Variants in ZNF737 observed in about 807,000 individuals in gnomAD.
The protein encoded by ZNF737 is zinc finger protein 102 (Y3).
Under a neutral mutation model 11.7 loss-of-function variants are expected in ZNF737, and 13 were observed. That is an observed-to-expected ratio of 1.11 (90% CI 0.73 to 1.77). The LOEUF (loss-of-function observed/expected upper bound fraction) is 1.77. Ranked by LOEUF, ZNF737 falls within the 40% of genes most tolerant of loss-of-function variation. The pLI, the probability that ZNF737 is intolerant of heterozygous loss-of-function variation, is 0.00. For missense variants in ZNF737, 636 were observed against 638.0 expected (o/e 1.00, Z 0.03); for synonymous variants, 217 against 216.2 (o/e 1.00, Z -0.03).
Position 20,538,139 on chromosome 19 carries a change from T to C in ZNF737, c.*6453A>G, listed in dbSNP as rs2122475897. The stretch of plus-strand genomic sequence containing the variant: ...GACTTTTCTACCTAATTATGAATAG[T>C]AACTTCTCTTAGAAGCAAAGTTTAT... On this transcript the variant is annotated 3_prime_UTR_variant, in exon 4 of 4. Transcript: ENST00000427401. 2 of 494,246 alleles carry C rather than the reference T, an allele frequency of 4.0e-6. No individual in the cohort carries two copies. Among genetic ancestry groups the C allele is most frequent in the South Asian group, 1.8e-4 (2 of 11,370 alleles). The allele number at this position is 494,246 out of a possible 1,614,324, so 30.6% of individuals were successfully genotyped here.
rs782411045 is a variant in ZNF737, at chr19:20,545,549, T to G, written c.654A>C (p.Thr218=). 4.0e-5 allele frequency: 65 copies of G among 1,612,322 alleles called. 1 individual carries two copies. Among genetic ancestry groups the G allele is most frequent in the Non-Finnish European group, 5.2e-5 (61 of 1,179,160 alleles). The change falls in exon 4 of 4, where the codon ACA becomes ACC. Residue 218 remains threonine, a synonymous_variant. Transcript: ENST00000427401. ...KAFNWSSHLT[T]HKRIHTGEKR... is the part of the protein sequence containing the mutation. ...TCTCTCCAGTATGAATTCTCTTATG[T>G]GTAGTAAGGTGTGAGGACCAGTTGA... is the stretch of plus-strand genomic sequence containing the variant.
the ZNF737 span, among the ~76,000 whole-genome samples, chr19:20,530,306 G>A: frequency 7.9e-5 from 11 of 138,754 alleles, 1 homozygote; most frequent in Non-Finnish European, 1.6e-4. Flanking sequence ...CTGGCCGGGC[G>A]GGGGGCTGAC....
At position 20,554,615 on chromosome 19, in the gene ZNF737, GCA is replaced by G. The variant is rs1412990660; in HGVS notation, c.4-782_4-781del. On this transcript the variant is annotated intron_variant, in intron 1 of 3. Transcript: ENST00000427401. ...GAAGAAATTTTTATGTTGTGCTAAT[GCA>G]CATAGAAGAACACAGCATCACTGTT... 1.2e-4 allele frequency among the ~76,000 whole-genome samples: 18 copies of G among 152,262 alleles called. 1 individual carries two copies. The highest frequency in any genetic ancestry group is 4.3e-4 in the African/African-American group (18 of 41,542).
At chr19:20,531,110 C>T (rs1338284957), downstream of ZNF737, among the ~76,000 whole-genome samples, 7 of 146,364 alleles carry the variant, frequency 4.8e-5, 1 homozygote, top group African/African-American at 1.3e-4. Flanking sequence ...CGCCTGCAAT[C>T]GCAGGCACTC....
chr19:20,565,541 G>A lies in ZNF737; in HGVS notation c.3+97C>T. 3.8e-6 allele frequency: 6 copies of A among 1,590,882 alleles called. No individual in the cohort carries two copies. In the South Asian group the frequency reaches 6.6e-5, roughly 18 times the overall value. ...GAGAACTCAGGGTGCAGATTGTGGA[G>A]CTGACTGCGCAGAGGCCTGAGTCCC... On this transcript the variant is annotated intron_variant, in intron 1 of 3. Transcript: ENST00000427401.
chr19:20,541,819 G>A lies in ZNF737; in HGVS notation c.*2773C>T, dbSNP rs1336714311. 1 of 160,898 alleles carries A rather than the reference G, an allele frequency of 6.2e-6. No homozygotes were observed. The allele number at this position is 160,898 out of a possible 1,614,324, so 10.0% of individuals were successfully genotyped here. A position where few individuals can be genotyped will look rare whatever the true frequency, so the allele number is the denominator to read the frequency against. ...ATTGTACATTTTAAAATGAATAAAAGCATATAATTACACTATTGGTAATAC... is the reference window on the plus strand; with the variant it reads ...ATTGTACATTTTAAAATGAATAAAAACATATAATTACACTATTGGTAATAC... On this transcript the variant is annotated 3_prime_UTR_variant, in exon 4 of 4. Transcript: ENST00000427401.
In ZNF737 at chr19:20,540,619, C is replaced by T. The variant is rs749687272; in HGVS notation, c.*3973G>A. On this transcript the variant is annotated 3_prime_UTR_variant, in exon 4 of 4. Transcript: ENST00000427401. The stretch of plus-strand genomic sequence containing the variant: ...ACTAAAAATACAAAAATTAGTCAGA[C>T]GTGGTGGTGCATGCCTGTAATCCCA... 5.7e-5 allele frequency: 10 copies of T among 174,710 alleles called. No homozygotes were observed. The highest frequency in any genetic ancestry group is 1.3e-4 in the Admixed American group (2 of 15,286). 10.8% of individuals were successfully genotyped at this position (174,710 alleles called of 1,614,324 possible).
intron 3 of ZNF737, among the ~76,000 whole-genome samples, chr19:20,546,258 C>T (rs1199470082): frequency 2.0e-5 from 3 of 152,198 alleles, no homozygotes; most frequent in South Asian, 4.1e-4. Flanking sequence ...TTATACCCAA[C>T]AGAGCTCTTC....
rs1234001158 is a variant in ZNF737 at position 20,541,123 on chromosome 19, A to AAATT, written c.*3465_*3468dup. On this transcript the variant is annotated 3_prime_UTR_variant, in exon 4 of 4. Coordinates refer to ENST00000427401, the MANE Select transcript of ZNF737 (RefSeq NM_001159293.2). ...ACAGGCCAGAACATTTTATATTAAT[A>AAATT]AATTCAATACAAAGCAGAAAGTATA... 1.0e-6 allele frequency: 1 copy of AAATT among 982,900 alleles called. No individual in the cohort carries two copies. Among genetic ancestry groups the AAATT allele is most frequent in the Admixed American group, 6.1e-5 (1 of 16,268 alleles). 60.9% of individuals were successfully genotyped at this position (982,900 alleles called of 1,614,324 possible). A position where few individuals can be genotyped will look rare whatever the true frequency, so the allele number is the denominator to read the frequency against.
At position 20,539,426 on chromosome 19, in the gene ZNF737, T is replaced by C. The variant is rs1017065570; in HGVS notation, c.*5166A>G. The stretch of plus-strand genomic sequence containing the variant: ...ACAATCATTGAGCAAAGCTTAAATC[T>C]TGCCTTTGTTTCTTGTTAGTCATCT... On this transcript the variant is annotated 3_prime_UTR_variant, in exon 4 of 4. Transcript: ENST00000427401. 3.0e-5 allele frequency: 30 copies of C among 985,338 alleles called. No individual in the cohort carries two copies. Among genetic ancestry groups the C allele is most frequent in the Non-Finnish European group, 2.9e-5 (24 of 829,934 alleles). 61.0% of individuals were successfully genotyped at this position (985,338 alleles called of 1,614,324 possible).
chr19:20,562,137 C>T (rs1280035951), intron 1 of ZNF737, among the ~76,000 whole-genome samples: 1 of 152,094 alleles, frequency 6.6e-6, no homozygotes, highest in Non-Finnish European at 1.5e-5. Flanking sequence ...ACACACACTG[C>T]ACATTTTCTC....
At chr19:20,547,920 G>A (rs1474334687) in intron 3 of ZNF737, among the ~76,000 whole-genome samples, 4 of 152,080 alleles carry the variant, frequency 2.6e-5, no homozygotes, top group Non-Finnish European at 5.9e-5. Context: ...GGAGGCTGAG[G>A]TGGGCAGATA....
In ZNF737 at chr19:20,544,529, T is replaced by A; in HGVS notation, c.*63A>T. ...ACACTTGTACAGTTTCCCTCCAATA[T>A]GAATTTTCTTATGTGAAAAAAGCAT... On this transcript the variant is annotated 3_prime_UTR_variant, in exon 4 of 4. Transcript: ENST00000427401. The A allele has an allele frequency of 6.5e-7, 1 of 1,541,980 alleles. No homozygotes were observed.
downstream of ZNF737, among the ~76,000 whole-genome samples, chr19:20,537,511 ATTTTTTTT>A (rs1163609628): frequency 2.2e-4 from 17 of 77,096 alleles, no homozygotes; most frequent in Admixed American, 1.6e-3. Flanking sequence ...CTGGTTTTCT[ATTTTTTTT>A]TTTTTTTTTT....
At chr19:20,531,933 A>G (rs1417096831), downstream of ZNF737, among the ~76,000 whole-genome samples, 2 of 150,388 alleles carry the variant, frequency 1.3e-5, no homozygotes, top group Admixed American at 6.6e-5. Context: ...TTAATCTTTT[A>G]GCATGCACTG....
At chr19:20,536,557 T>G (rs539608173), downstream of ZNF737, among the ~76,000 whole-genome samples, 1 of 152,160 alleles carries the variant, frequency 6.6e-6, no homozygotes, top group South Asian at 2.1e-4. Flanking sequence ...ATGCCTGTAA[T>G]CCAGCACTTT....
rs1555763653 is a variant in ZNF737, at chr19:20,565,746, A to G, written c.-106T>C. The G allele has an allele frequency of 6.5e-7, 1 of 1,549,876 alleles. No homozygotes were observed. Among genetic ancestry groups the G allele is most frequent in the Non-Finnish European group, 8.9e-7 (1 of 1,121,772 alleles). On this transcript the variant is annotated 5_prime_UTR_variant, in exon 1 of 4. Coordinates refer to ENST00000427401, the MANE Select transcript of ZNF737 (RefSeq NM_001159293.2). Reference sequence around the variant, plus strand: ...CCTCTAGGAGCAGAGGACACACAGCAGTGAAGACAAGACCTGGAGCTCCGG... The same window carrying G: ...CCTCTAGGAGCAGAGGACACACAGCGGTGAAGACAAGACCTGGAGCTCCGG...
At position 20,552,861 on chromosome 19, in the gene ZNF737, C is replaced by A. The variant is rs2562636; in HGVS notation, c.131-291G>T. Reference sequence around the variant, plus strand: ...ACCCCATCTCTACTAAAAATACAAACATTAGCCAAACACGGTGACTTGCCC... The same window carrying A: ...ACCCCATCTCTACTAAAAATACAAAAATTAGCCAAACACGGTGACTTGCCC... On this transcript the variant is annotated intron_variant, in intron 2 of 3. Coordinates refer to ENST00000427401, the MANE Select transcript of ZNF737 (RefSeq NM_001159293.2). 0.53 allele frequency among the ~76,000 whole-genome samples: 80,309 copies of A among 151,286 alleles called. 21,917 individuals are homozygous for A. The highest frequency in any genetic ancestry group is 0.66 in the African/African-American group (27,058 of 41,236).
intron 1 of ZNF737, among the ~76,000 whole-genome samples, chr19:20,563,334 G>A (rs1969174780): frequency 6.6e-6 from 1 of 150,478 alleles, no homozygotes; most frequent in African/African-American, 2.4e-5. Context: ...GTAACATCCT[G>A]TTGCAGGCTT....
Sources: allele counts gnomAD v4.1 joint callset (sites outside exome capture counted in the v4.1 genomes callset), GRCh38; gene constraint gnomAD v4.1.1; transcripts MANE v1.5; gene names NCBI Gene and HGNC (gene_info 2026-07-23, HGNC 2026-07-21).